RBPJ: variants seen among roughly 807,000 people sequenced by gnomAD.
The protein encoded by RBPJ is recombination signal binding protein for immunoglobulin kappa J region.
A neutral mutation model predicts 67.8 loss-of-function variants in RBPJ; 9 were observed. The observed-to-expected ratio is 0.13, with a 90% CI of 0.08 to 0.23. RBPJ has a LOEUF of 0.23. Among genes scored for constraint, RBPJ ranks in the 10% least tolerant of loss-of-function variants. The pLI, the probability that RBPJ is intolerant of heterozygous loss-of-function variation, is 1.00. For missense variants in RBPJ, 305 were observed against 595.6 expected (o/e 0.51, Z 5.08); for synonymous variants, 198 against 203.3 (o/e 0.97, Z 0.22).
At chr4:26,427,070 A>G (rs1202987625) in intron 7 of RBPJ, among the ~76,000 whole-genome samples, 4 of 152,144 alleles carry the variant, frequency 2.6e-5, no homozygotes, top group East Asian at 1.9e-4. Flanking sequence ...GCAGAGAGAC[A>G]GGTGCTTGGA....
chr4:26,158,945 T>TTCTCTCTCTCTCTCTCTCTCTCTCTC (rs5856933), upstream of RBPJ, among the ~76,000 whole-genome samples: 16 of 136,722 alleles, frequency 1.2e-4, no homozygotes, highest in South Asian at 2.4e-4. Context: ...CTCTCTCTCT[T>TTCTCTCTCTCTCTCTCTCTCTCTCTC]TCTCTCTCTC....
rs537036582 is a variant in RBPJ at position 26,330,940 on chromosome 4, TATTAAATCC to T, written c.20+9897_20+9905del. ...CCTGTGTGACACGTGTGATATATAT[TATTAAATCC>T]ATTAGATTCAGGAAATTTTAGAGCC... On this transcript the variant is annotated intron_variant, in intron 1 of 10. Transcript: ENST00000355476. 8.6e-3 allele frequency among the ~76,000 whole-genome samples: 1,307 copies of T among 152,286 alleles called. 12 individuals are homozygous for T. Among genetic ancestry groups the T allele is most frequent in the Middle Eastern group, 0.041 (12 of 294 alleles).
intron 1 of RBPJ, among the ~76,000 whole-genome samples, chr4:26,215,730 C>T (rs571118980): frequency 3.3e-4 from 50 of 152,124 alleles, no homozygotes; most frequent in African/African-American, 1.2e-3. Flanking sequence ...AAGCAGAGAG[C>T]GACACCCATA....
chr4:26,289,686 TA>T (rs139978338), intron 1 of RBPJ, among the ~76,000 whole-genome samples: 1,696 of 150,908 alleles, frequency 0.011, 80 homozygotes, highest in Non-Finnish European at 0.017. Context: ...GTACTCATAT[TA>T]ACCCTGAATG....
intron 1 of RBPJ, among the ~76,000 whole-genome samples, chr4:26,260,464 C>G (rs1560233811): frequency 6.6e-6 from 1 of 152,056 alleles, no homozygotes; most frequent in Non-Finnish European, 1.5e-5. Context: ...CTTCAATTCT[C>G]TTACTTGCTG....
At chr4:26,142,542 G>C in the RBPJ span, among the ~76,000 whole-genome samples, 1 of 152,218 alleles carries the variant, frequency 6.6e-6, no homozygotes, top group Non-Finnish European at 1.5e-5. Context: ...TGGCTCTATC[G>C]TGAAGGAATC....
chr4:26,379,772 G>A (rs190380842), intron 1 of RBPJ, among the ~76,000 whole-genome samples: 29 of 152,246 alleles, frequency 1.9e-4, no homozygotes, highest in African/African-American at 7.0e-4. Context: ...TGGGGGTCTT[G>A]CTTTATTGCC....
intron 3 of RBPJ, among the ~76,000 whole-genome samples, chr4:26,414,176 A>AT (rs577760546): frequency 0.025 from 3,620 of 147,082 alleles, 117 homozygotes; most frequent in African/African-American, 0.073. Context: ...GATATTCCTA[A>AT]TTTTTTTTTT....
At chr4:26,322,869 T>C (rs1300667130) in intron 1 of RBPJ, 1 of 151,810 alleles carries the variant, frequency 6.6e-6, no homozygotes, top group African/African-American at 2.4e-5. Context: ...ATAAGAGTTA[T>C]TATATTTACC....
intron 1 of RBPJ, among the ~76,000 whole-genome samples, chr4:26,287,464 GA>G (rs1364829298): frequency 6.6e-6 from 1 of 151,108 alleles, no homozygotes; most frequent in Admixed American, 6.6e-5. Flanking sequence ...CGAGTGGGAA[GA>G]TCGCTTGAGT....
chr4:26,191,203 A>G (rs1417563049), intron 1 of RBPJ, among the ~76,000 whole-genome samples: 1 of 35,470 alleles, frequency 2.8e-5, no homozygotes, highest in African/African-American at 1.0e-4. Flanking sequence ...ATATATATAT[A>G]TATATATAGA....
rs59567766 is a variant in RBPJ at position 26,181,079 on chromosome 4, C to T, written c.-167+17465C>T. Among the ~76,000 whole-genome samples, 98 of 152,254 alleles carry T rather than the reference C, an allele frequency of 6.4e-4. 1 individual carries two copies. The highest frequency in any genetic ancestry group is 2.3e-3 in the African/African-American group (95 of 41,554). On this transcript the variant is annotated intron_variant, in intron 1 of 4. Transcript: ENST00000512351. ...TCTTCTGCCATGACTGTGAGGCCTC[C>T]CCAGCCACGTGGAACTGTGAGTCCG... is the stretch of plus-strand genomic sequence containing the variant.
At chr4:26,363,934 A>G (rs1728342565) in intron 1 of RBPJ, among the ~76,000 whole-genome samples, 1 of 152,162 alleles carries the variant, frequency 6.6e-6, no homozygotes, top group Non-Finnish European at 1.5e-5. Context: ...GAGTGATGTA[A>G]TGAAAATTTT....
At chr4:26,182,305 G>A (rs942204272) in intron 1 of RBPJ, among the ~76,000 whole-genome samples, 1 of 151,984 alleles carries the variant, frequency 6.6e-6, no homozygotes, top group Non-Finnish European at 1.5e-5. Flanking sequence ...TCGCGCCACT[G>A]CACTCCAGCC....
intron 1 of RBPJ, among the ~76,000 whole-genome samples, chr4:26,351,401 T>C (rs762711939): frequency 1.2e-4 from 19 of 152,214 alleles, no homozygotes; most frequent in Non-Finnish European, 2.1e-4. Context: ...GCTTTGTTTA[T>C]TTTTTGGTGG....
the RBPJ span, among the ~76,000 whole-genome samples, chr4:26,105,767 A>G: frequency 1.1e-4 from 17 of 152,332 alleles, no homozygotes; most frequent in African/African-American, 4.1e-4. Context: ...TCATTCAAAC[A>G]TGGTGCTGAA....
At chr4:26,265,685 G>A (rs940026528) in intron 1 of RBPJ, among the ~76,000 whole-genome samples, 10 of 152,044 alleles carry the variant, frequency 6.6e-5, no homozygotes, top group African/African-American at 2.4e-4. Flanking sequence ...AATCAGATAA[G>A]GGAACTGCTA....
chr4:26,184,762 G>C (rs1717166759), intron 1 of RBPJ, among the ~76,000 whole-genome samples: 1 of 152,200 alleles, frequency 6.6e-6, no homozygotes, highest in Non-Finnish European at 1.5e-5. Context: ...GCATGGAAAA[G>C]TCCCATAGTT....
chr4:26,430,221 G>T lies in RBPJ; in HGVS notation c.1044+168G>T. The T allele has an allele frequency of 1.1e-6, 1 of 886,414 alleles. No homozygotes were observed. Among genetic ancestry groups the T allele is most frequent in the Admixed American group, 2.5e-5 (1 of 39,522 alleles). The allele number at this position is 886,414 out of a possible 1,614,324, so 54.9% of individuals were successfully genotyped here. On this transcript the variant is annotated intron_variant, in intron 9 of 10. Transcript: ENST00000355476. The surrounding 1 kb of genome is among the most constrained non-coding windows in gnomAD (Gnocchi z 4.1). ...AAAGAAAAAAAAACAAAATTAGGAGGAGCGTACTTGCCAGAAAATTTAAAT... is the reference window on the plus strand; with the variant it reads ...AAAGAAAAAAAAACAAAATTAGGAGTAGCGTACTTGCCAGAAAATTTAAAT...
Sources: gnomAD v4.1 joint callset for allele counts (sites outside exome capture counted in the v4.1 genomes callset) on GRCh38, gnomAD v4.1.1 for gene constraint, Gnocchi (gnomAD v3.1) non-coding constraint, MANE v1.5 for transcripts, NCBI Gene and HGNC (gene_info 2026-07-23, HGNC 2026-07-21) for gene names.